The following CTNNA3 variants were observed in gnomAD, a reference collection of about 807,000 sequenced individuals.
CTNNA3 encodes catenin alpha-3.
A neutral mutation model predicts 95.7 loss-of-function variants in CTNNA3; 76 were observed. That is an observed-to-expected ratio of 0.79 (90% confidence interval 0.66 to 0.96). The LOEUF is 0.96. Among genes scored for constraint, CTNNA3 ranks in the 40% least tolerant of loss-of-function variants. The probability of loss-of-function intolerance (pLI) is 0.00; values close to 1 mark genes in which losing one functional copy is unlikely to be tolerated. For synonymous variants in CTNNA3, 431 were observed against 374.4 expected (o/e 1.15, Z -1.74); for missense variants, 1,191 against 1,089.8 (o/e 1.09, Z -1.31).
intron 13 of CTNNA3, among the ~76,000 whole-genome samples, chr10:66,235,939 A>C (rs1024207575): frequency 6.6e-6 from 1 of 152,106 alleles, no homozygotes; most frequent in East Asian, 1.9e-4. Flanking sequence ...ATTTTTTCTC[A>C]CGTCTATTTT....
intron 5 of CTNNA3, among the ~76,000 whole-genome samples, chr10:67,297,782 AAC>A (rs1840106746): frequency 6.6e-6 from 1 of 152,208 alleles, no homozygotes; most frequent in African/African-American, 2.4e-5. Context: ...TGGATTCGAT[AAC>A]ACCTTGTTCA....
At chr10:67,513,775 A>C (rs1024683389) in intron 5 of CTNNA3, among the ~76,000 whole-genome samples, 1 of 152,224 alleles carries the variant, frequency 6.6e-6, no homozygotes, top group South Asian at 2.1e-4. Context: ...TTCTGCAGCC[A>C]GTCCAATCTC....
chr10:66,849,290 T>C (rs1176413893), intron 7 of CTNNA3, among the ~76,000 whole-genome samples: 1 of 152,214 alleles, frequency 6.6e-6, no homozygotes, highest in Non-Finnish European at 1.5e-5. Context: ...CAGGAAATAG[T>C]AAATTAGGAA....
chr10:65,952,055 C>T lies in CTNNA3; in HGVS notation c.2400+14557G>A, dbSNP rs549406464. On this transcript the variant is annotated intron_variant, in intron 17 of 17. Transcript: ENST00000433211. ...AAAAAAAAAAAAAAAAAAAATCCCTCACCTATTTCATTGTTTATAAAATGA... is the reference window on the plus strand; with the variant it reads ...AAAAAAAAAAAAAAAAAAAATCCCTTACCTATTTCATTGTTTATAAAATGA... 3.5e-3 allele frequency among the ~76,000 whole-genome samples: 521 copies of T among 150,870 alleles called. 3 individuals carry two copies. The highest frequency in any genetic ancestry group is 0.014 in the Middle Eastern group (4 of 282).
At chr10:66,360,570 G>C (rs1241933953) in intron 12 of CTNNA3, among the ~76,000 whole-genome samples, 1 of 151,752 alleles carries the variant, frequency 6.6e-6, no homozygotes, top group African/African-American at 2.4e-5. Flanking sequence ...AAACAACTCT[G>C]AGGCTTACCT....
intron 1 of CTNNA3, among the ~76,000 whole-genome samples, chr10:67,751,378 G>C (rs887785869): frequency 2.0e-5 from 3 of 152,152 alleles, no homozygotes; most frequent in Non-Finnish European, 2.9e-5. Context: ...TGCTGTTTTA[G>C]ACATTTATTT....
chr10:66,058,918 T>C (rs1170891588), intron 15 of CTNNA3, among the ~76,000 whole-genome samples: 3 of 152,152 alleles, frequency 2.0e-5, no homozygotes, highest in African/African-American at 4.8e-5. Flanking sequence ...TTTTAGAAAG[T>C]TGTCTTCTTC....
At chr10:66,750,951 G>T (rs1035465412) in intron 9 of CTNNA3, among the ~76,000 whole-genome samples, 1 of 152,184 alleles carries the variant, frequency 6.6e-6, no homozygotes, top group East Asian at 1.9e-4. Flanking sequence ...AGGGTGTTAA[G>T]GTGTAAATGA....
chr10:66,047,984 C>G (rs1258827800), intron 15 of CTNNA3, among the ~76,000 whole-genome samples: 1 of 152,048 alleles, frequency 6.6e-6, no homozygotes, highest in Non-Finnish European at 1.5e-5. Flanking sequence ...GAAGACACAA[C>G]AAATGGAAAA....
intron 15 of CTNNA3, among the ~76,000 whole-genome samples, chr10:66,016,422 T>C (rs1191972230): frequency 6.6e-6 from 1 of 152,204 alleles, no homozygotes; most frequent in African/African-American, 2.4e-5. Context: ...TATCATTTAG[T>C]GAAAGAAGCA....
chr10:67,284,934 C>T (rs751122368), intron 5 of CTNNA3, among the ~76,000 whole-genome samples: 6 of 152,038 alleles, frequency 3.9e-5, no homozygotes, highest in African/African-American at 7.2e-5. Flanking sequence ...TCAGTCATCC[C>T]CTCACCCCCT....
chr10:66,716,680 C>T (rs764134304), intron 9 of CTNNA3, among the ~76,000 whole-genome samples: 2 of 152,080 alleles, frequency 1.3e-5, no homozygotes, highest in Non-Finnish European at 2.9e-5. Flanking sequence ...AGGACAAAGA[C>T]CTTTCTTTCC....
intron 7 of CTNNA3, among the ~76,000 whole-genome samples, chr10:67,000,650 A>G (rs1004669877): frequency 7.2e-5 from 11 of 152,174 alleles, no homozygotes; most frequent in African/African-American, 2.7e-4. Context: ...CTATTACAGG[A>G]GTCTTTACAT....
At chr10:66,158,067 T>C (rs1415173976) in intron 13 of CTNNA3, among the ~76,000 whole-genome samples, 2 of 152,142 alleles carry the variant, frequency 1.3e-5, no homozygotes, top group East Asian at 1.9e-4. Context: ...TATTAGTCCT[T>C]TGTCAGATGT....
intron 11 of CTNNA3, among the ~76,000 whole-genome samples, chr10:66,390,367 A>G (rs1055014236): frequency 6.6e-6 from 1 of 152,122 alleles, no homozygotes; most frequent in African/African-American, 2.4e-5. Context: ...TCCTCCCCTG[A>G]TATCTACATA....
At chr10:66,358,348 TG>T (rs35111497) in intron 12 of CTNNA3, among the ~76,000 whole-genome samples, 7,972 of 151,928 alleles carry the variant, frequency 0.052, 695 homozygotes, top group African/African-American at 0.18. Flanking sequence ...CCAGGAAATA[TG>T]GGGAAAAAAA....
chr10:65,956,902 G>T (rs112773534), intron 17 of CTNNA3, among the ~76,000 whole-genome samples: 16,372 of 152,178 alleles, frequency 0.11, 1,111 homozygotes, highest in East Asian at 0.2. Flanking sequence ...TGTCTATTAG[G>T]TCTGCTTGGT....
intron 10 of CTNNA3, among the ~76,000 whole-genome samples, chr10:66,523,093 C>A (rs1841127047): frequency 6.6e-6 from 1 of 152,118 alleles, no homozygotes; most frequent in Non-Finnish European, 1.5e-5. Flanking sequence ...AACTACTGTG[C>A]AGTATGCCTT....
intron 7 of CTNNA3, among the ~76,000 whole-genome samples, chr10:66,813,847 T>A (rs199901831): frequency 7.5e-4 from 3 of 4,024 alleles, no homozygotes; most frequent in African/African-American, 7.8e-3. Context: ...TGTGTGTGAG[T>A]GTGTGTGTGT....
Sources: allele counts gnomAD v4.1 joint callset (sites outside exome capture counted in the v4.1 genomes callset), GRCh38; gene constraint gnomAD v4.1.1; transcripts MANE v1.5; gene names NCBI Gene and HGNC (gene_info 2026-07-23, HGNC 2026-07-21).